Variants in FAM170B observed in about 807,000 individuals in gnomAD.
FAM170B encodes the protein family with sequence similarity 170 member B.
FAM170B carries 4 observed loss-of-function variants against 3.9 expected under a neutral mutation model. That is an observed-to-expected ratio of 1.01 (90% CI 0.50 to 2.32). The LOEUF is 2.32. FAM170B is among the 30% of genes most tolerant of loss of function. The pLI is 0.02. For synonymous variants in FAM170B, 163 were observed against 149.8 expected, an observed-to-expected ratio of 1.09 and a Z score of -0.64; for missense variants, 417 against 368.6, an observed-to-expected ratio of 1.13 and a Z score of -1.07.
At chr10:49,133,752 C>T (rs1845215580) in intron 1 of FAM170B, 55 bp downstream of exon 1, 2 of 1,461,304 alleles carry the variant, frequency 1.4e-6, no homozygotes, top group Non-Finnish European at 1.9e-6. Context: ...CCCATCAGGG[C>T]TTCCTTCCCA....
Position 49,133,983 on chromosome 10 carries a change from A to C in FAM170B, c.-65T>G. ...TTCAGTGAGAGTTGGCTGGGGCTGT[A>C]CTGAAGGCCTCCAGCTGGCCCCAGC... On this transcript the variant is annotated 5_prime_UTR_variant, in exon 1 of 2. Coordinates refer to ENST00000311787, the MANE Select transcript of FAM170B (RefSeq NM_001164484.2). The C allele has an allele frequency of 7.6e-7, 1 of 1,311,020 alleles. No individual in the cohort carries two copies. Among genetic ancestry groups the C allele is most frequent in the South Asian group, 1.3e-5 (1 of 79,194 alleles). The allele number at this position is 1,311,020 out of a possible 1,614,324, so 81.2% of individuals were successfully genotyped here.
rs752452944 is a variant in FAM170B at position 49,131,814 on chromosome 10, G to A, written c.651C>T (p.Asp217=). ...VACCRVLPSL[D]ALLEHAQHGI... ...CATGCTGGGCGTGCTCCAGCAGAGCGTCCAGGGAGGGCAAGACCCTGCAGC... is the reference window on the plus strand; with the variant it reads ...CATGCTGGGCGTGCTCCAGCAGAGCATCCAGGGAGGGCAAGACCCTGCAGC... The change falls in exon 2 of 2, where the codon GAC becomes GAT. Residue 217 remains aspartate (D), a synonymous_variant. Coordinates refer to ENST00000311787, the MANE Select transcript of FAM170B (RefSeq NM_001164484.2). 10 of 1,548,674 alleles carry A rather than the reference G, an allele frequency of 6.5e-6. No homozygotes were observed. The highest frequency in any genetic ancestry group is 3.3e-4 in the Middle Eastern group (2 of 5,992).
chr10:49,132,268 C>T lies in FAM170B; in HGVS notation c.197G>A (p.Arg66Gln), dbSNP rs181905862. ...GGAGCTGCTCCAGTCCCGCATCCCC[C>T]GGTCCCTGGCAGCGAAGTAGAGGCC... is the stretch of plus-strand genomic sequence containing the variant. ...EEGLYFAARD[R>Q]GMRDWSSSPS... Residue 66 changes from arginine (R) to glutamine (Q), a missense_variant, in exon 2 of 2, where the codon CGG becomes CAG. Coordinates refer to ENST00000311787, the MANE Select transcript of FAM170B (RefSeq NM_001164484.2). 33 of 1,551,492 alleles carry T rather than the reference C, an allele frequency of 2.1e-5. No homozygotes were observed. In the East Asian group the frequency reaches 6.8e-4, roughly 32 times the overall value.
Position 49,132,067 on chromosome 10 carries a change from G to T in FAM170B, c.398C>A (p.Thr133Asn). 6.4e-7 allele frequency: 1 copy of T among 1,551,742 alleles called. No individual in the cohort carries two copies. Among genetic ancestry groups the T allele is most frequent in the Non-Finnish European group, 8.7e-7 (1 of 1,146,996 alleles). ...GGCTTCATGGATGCGGGGCTTCCTGGTGACCGGCTCGAAGCCGGCCTCCGT... is the reference window on the plus strand; with the variant it reads ...GGCTTCATGGATGCGGGGCTTCCTGTTGACCGGCTCGAAGCCGGCCTCCGT... ...WETEAGFEPVTRKPRIHEAQF... is the reference protein window; with the variant it reads ...WETEAGFEPVNRKPRIHEAQF... The change falls in exon 2 of 2, where the codon ACC becomes AAC. Residue 133 changes from threonine to asparagine, a missense_variant. By Grantham distance (65) the Thr-to-Asn change is moderately conservative. Transcript: ENST00000311787.
intron 1 of FAM170B, 69 bp from the exon 2 acceptor site, chr10:49,132,421 C>T: frequency 4.2e-6 from 6 of 1,441,942 alleles, no homozygotes; most frequent in Admixed American, 5.0e-5. Context: ...CTTCAGGAGC[C>T]GCAGACTCTG....
chr10:49,133,151 A>G (rs1024052632), intron 1 of FAM170B, among the ~76,000 whole-genome samples: 1 of 152,240 alleles, frequency 6.6e-6, no homozygotes, highest in African/African-American at 2.4e-5. Context: ...CAACACATGC[A>G]AAGTGCCTTG....
chr10:49,131,540 G>A lies in FAM170B; in HGVS notation c.*73C>T. The A allele has an allele frequency of 6.8e-7, 1 of 1,474,798 alleles. No individual in the cohort carries two copies. The highest frequency in any genetic ancestry group is 2.5e-5 in the East Asian group (1 of 40,278). 91.4% of individuals were successfully genotyped at this position (1,474,798 alleles called of 1,614,324 possible). A position where few individuals can be genotyped will look rare whatever the true frequency, so the allele number is the denominator to read the frequency against. On this transcript the variant is annotated 3_prime_UTR_variant, in exon 2 of 2. Coordinates refer to ENST00000311787, the MANE Select transcript of FAM170B (RefSeq NM_001164484.2). ...CCTCTCTCCCTGCCCTAGTGGCTCTGATACTGCTGGCTGGGGAAGGAGCAG... is the reference window on the plus strand; with the variant it reads ...CCTCTCTCCCTGCCCTAGTGGCTCTAATACTGCTGGCTGGGGAAGGAGCAG...
chr10:49,131,367 G>T lies in FAM170B; in HGVS notation c.*246C>A. ...TTTGTGGGTTTCAGATGTTGTGCCT[G>T]CCATCAGAAACACTCAAAGCCCTCT... On this transcript the variant is annotated 3_prime_UTR_variant, in exon 2 of 2. Coordinates refer to ENST00000311787, the MANE Select transcript of FAM170B (RefSeq NM_001164484.2). 1 of 469,828 alleles carries T rather than the reference G, an allele frequency of 2.1e-6. No individual in the cohort carries two copies. 29.1% of individuals were successfully genotyped at this position (469,828 alleles called of 1,614,324 possible).
Position 49,131,740 on chromosome 10 carries a change from T to A in FAM170B, c.725A>T (p.Glu242Val). The change falls in exon 2 of 2, where the codon GAG becomes GTG. Residue 242 changes from glutamate to valine, a missense_variant. Physicochemically the swap from Glu to Val is moderately radical, Grantham distance 121. Transcript: ENST00000311787. ...SCQIFFEEML[E>V]RRRAQGQAHD... Reference sequence around the variant, plus strand: ...TGCTTGGCCCTGAGCCCGCCTTCTCTCCAGCATCTCCTCAAAAAAGATCTG... The same window carrying A: ...TGCTTGGCCCTGAGCCCGCCTTCTCACCAGCATCTCCTCAAAAAAGATCTG... 1 of 1,551,702 alleles carries A rather than the reference T, an allele frequency of 6.4e-7. No individual in the cohort carries two copies. The highest frequency in any genetic ancestry group is 8.7e-7 in the Non-Finnish European group (1 of 1,147,012).
chr10:49,133,999 T>G lies in FAM170B; in HGVS notation c.-81A>C, dbSNP rs1590157790. On this transcript the variant is annotated 5_prime_UTR_variant, in exon 1 of 2. Transcript: ENST00000311787. ...TGGGGCTGTACTGAAGGCCTCCAGC[T>G]GGCCCCAGCCAGAGTGGACACTGAG... The G allele has an allele frequency of 3.5e-6, 4 of 1,130,546 alleles. No individual in the cohort carries two copies. The highest frequency in any genetic ancestry group is 4.0e-5 in the Admixed American group (2 of 50,312). 70.0% of individuals were successfully genotyped at this position (1,130,546 alleles called of 1,614,324 possible).
Position 49,131,488 on chromosome 10 carries a change from A to G in FAM170B, c.*125T>C. On this transcript the variant is annotated 3_prime_UTR_variant, in exon 2 of 2. Transcript: ENST00000311787. ...CCTGGCCCTCCTTGCTCTACACTCC[A>G]TGCCTTTCCTTCCCCCTGACCCTGG... The G allele has an allele frequency of 5.1e-6, 7 of 1,362,018 alleles. No homozygotes were observed. The South Asian group carries it at 9.2e-5, about 18-fold the overall frequency. 84.4% of individuals were successfully genotyped at this position (1,362,018 alleles called of 1,614,324 possible).
intron 1 of FAM170B, 37 bp downstream of exon 1, chr10:49,133,770 C>T: frequency 6.5e-7 from 1 of 1,530,424 alleles, no homozygotes; most frequent in Non-Finnish European, 8.9e-7. Context: ...CCAGGGAGCA[C>T]AGCTGGCTGA....
At position 49,133,850 on chromosome 10, in the gene FAM170B, G is replaced by A. The variant is rs1432840448; in HGVS notation, c.69C>T (p.Thr23=). 2.6e-6 allele frequency: 4 copies of A among 1,551,710 alleles called. No individual in the cohort carries two copies. In the South Asian group the frequency reaches 4.8e-5, roughly 18 times the overall value. ...SPTDGTTLSL[T]SPESTEESVE... ...CACTCTCCTCAGTGGACTCAGGGCT[G>A]GTCAAGCTGAGGGTGGTCCCATCGG... The change falls in exon 1 of 2, where the codon ACC becomes ACT. Residue 23 remains threonine, a synonymous_variant. Coordinates refer to ENST00000311787, the MANE Select transcript of FAM170B (RefSeq NM_001164484.2).
rs2132044677 is a variant in FAM170B, at chr10:49,131,465, T to C, written c.*148A>G. On this transcript the variant is annotated 3_prime_UTR_variant, in exon 2 of 2. Transcript: ENST00000311787. ...AGGAAGGGGGTTCCTTCCAGTCTCC[T>C]GGCCCTCCTTGCTCTACACTCCATG... 8.4e-7 allele frequency: 1 copy of C among 1,185,230 alleles called. No homozygotes were observed. The highest frequency in any genetic ancestry group is 1.1e-6 in the Non-Finnish European group (1 of 876,730). 73.4% of individuals were successfully genotyped at this position (1,185,230 alleles called of 1,614,324 possible).
In FAM170B at chr10:49,133,127, G is replaced by A. The variant is rs544911489; in HGVS notation, c.112+680C>T. Among the ~76,000 whole-genome samples, 6 of 152,228 alleles carry A rather than the reference G, an allele frequency of 3.9e-5. No homozygotes were observed. In the East Asian group the frequency reaches 9.6e-4, roughly 24 times the overall value. On this transcript the variant is annotated intron_variant, in intron 1 of 1. Coordinates refer to ENST00000311787, the MANE Select transcript of FAM170B (RefSeq NM_001164484.2). The stretch of plus-strand genomic sequence containing the variant: ...TGTGCATAAAAGACACCTCAGTAAA[G>A]CCCATTTAAAAAACAACACATGCAA...
At chr10:49,133,740 T>G (rs1845215490) in intron 1 of FAM170B, 67 bp downstream of exon 1, 1 of 1,361,282 alleles carries the variant, frequency 7.3e-7, no homozygotes, top group Non-Finnish European at 1.0e-6. Flanking sequence ...GCACTGTCCC[T>G]TCCCATCAGG....
Position 49,132,049 on chromosome 10 carries a change from T to G in FAM170B, c.416A>C (p.His139Pro), listed in dbSNP as rs549105292. 1.3e-6 allele frequency: 2 copies of G among 1,551,740 alleles called. No homozygotes were observed. The highest frequency in any genetic ancestry group is 4.9e-5 in the East Asian group (2 of 40,918). The change falls in exon 2 of 2, where the codon CAT (histidine) becomes CCT (proline). Residue 139 changes from histidine (H) to proline (P), a missense_variant. Transcript: ENST00000311787. ...FEPVTRKPRI[H>P]EAQFIKRQRW... ...CTGCCTCTTGATGAACTGGGCTTCATGGATGCGGGGCTTCCTGGTGACCGG... is the reference window on the plus strand; with the variant it reads ...CTGCCTCTTGATGAACTGGGCTTCAGGGATGCGGGGCTTCCTGGTGACCGG...
chr10:49,131,884 G>T lies in FAM170B; in HGVS notation c.581C>A (p.Pro194Gln), dbSNP rs1392920104. ...GTAGTTGGTGGTGACCAGCCAGTCC[G>T]GCGGCTCCCGCAGCTCCTGCAGGCA... ...ECCLQELREP[P>Q]DWLVTTNYGV... The change falls in exon 2 of 2, where the codon CCG (proline) becomes CAG (glutamine). Residue 194 changes from proline to glutamine, a missense_variant. Pro to Gln is a moderately conservative substitution (Grantham distance 76). Coordinates refer to ENST00000311787, the MANE Select transcript of FAM170B (RefSeq NM_001164484.2). 2 of 1,546,524 alleles carry T rather than the reference G, an allele frequency of 1.3e-6. No individual in the cohort carries two copies. Among genetic ancestry groups the T allele is most frequent in the African/African-American group, 1.4e-5 (1 of 73,074 alleles).
At position 49,131,661 on chromosome 10, in the gene FAM170B, G is replaced by A. The variant is rs371047709; in HGVS notation, c.804C>T (p.Ser268=). ...EQSPSDNSEC[S]RPQGEVLSAQ... is the part of the protein sequence containing the mutation. The stretch of plus-strand genomic sequence containing the variant: ...CTGAGAGCACCTCACCCTGGGGCCG[G>A]GAACATTCGCTGTTGTCTGAAGGAC... Residue 268 remains serine, a synonymous_variant, in exon 2 of 2, where the codon TCC becomes TCT. Transcript: ENST00000311787. The A allele has an allele frequency of 9.7e-6, 15 of 1,551,630 alleles. No individual in the cohort carries two copies. The African/African-American group carries it at 1.8e-4, about 18-fold the overall frequency.
Sources: allele counts gnomAD v4.1 joint callset (sites outside exome capture counted in the v4.1 genomes callset), GRCh38; gene constraint gnomAD v4.1.1; transcripts MANE v1.5; gene names NCBI Gene and HGNC (gene_info 2026-07-23, HGNC 2026-07-21).